COL4A2: variants seen among roughly 807,000 people sequenced by gnomAD.
The protein encoded by COL4A2 is collagen type IV alpha 2 chain, also known as collagen alpha-2(IV) chain.
COL4A2 carries 99 observed loss-of-function variants against 200.2 expected under a neutral mutation model. The observed-to-expected ratio is 0.49, with a 90% confidence interval of 0.42 to 0.58. The LOEUF (loss-of-function observed/expected upper bound fraction) is 0.58. Ranked by LOEUF, COL4A2 falls within the 20% of genes least tolerant of loss-of-function variation. The pLI, the probability that COL4A2 is intolerant of heterozygous loss-of-function variation, is 0.00. For missense variants in COL4A2, 1,950 were observed against 2,314.1 expected (o/e 0.84, Z 3.23); for synonymous variants, 897 against 900.6 (o/e 1.00, Z 0.07).
At chr13:110,467,733 C>G (rs9521791) in intron 27 of COL4A2, among the ~76,000 whole-genome samples, 693 of 152,272 alleles carry the variant, frequency 4.6e-3, no homozygotes, top group Non-Finnish European at 6.5e-3. Context: ...CCAGGGTCTC[C>G]GTGGGCCTGT....
intron 4 of COL4A2, among the ~76,000 whole-genome samples, chr13:110,384,244 A>G (rs1878598851): frequency 6.6e-6 from 1 of 152,242 alleles, no homozygotes; most frequent in African/African-American, 2.4e-5. Flanking sequence ...AGTACATGGA[A>G]GACCTGGAAG....
intron 6 of COL4A2, among the ~76,000 whole-genome samples, chr13:110,427,372 A>G (rs1309121526): frequency 6.6e-6 from 1 of 151,696 alleles, no homozygotes; most frequent in East Asian, 1.9e-4. Flanking sequence ...CTGGTCTCGA[A>G]CTCCTGGCCT....
chr13:110,332,920 A>T (rs549517151), intron 3 of COL4A2, among the ~76,000 whole-genome samples: 1 of 152,202 alleles, frequency 6.6e-6, no homozygotes, highest in Non-Finnish European at 1.5e-5. Context: ...CAGAAGCCCA[A>T]ATTCCCATGG....
intron 45 of COL4A2, 91 bp from the exon 46 acceptor site, chr13:110,506,324 A>T: frequency 8.1e-7 from 1 of 1,233,598 alleles, no homozygotes; most frequent in Non-Finnish European, 1.1e-6. Context: ...TCTCTCTCTC[A>T]GGCTGTAGGT....
intron 3 of COL4A2, among the ~76,000 whole-genome samples, chr13:110,320,290 C>T (rs937944723): frequency 1.3e-5 from 2 of 152,212 alleles, no homozygotes; most frequent in Non-Finnish European, 2.9e-5. Flanking sequence ...CCCCCTACGG[C>T]GACCCCCTGC....
At chr13:110,443,282 G>A (rs1179601051) in intron 16 of COL4A2, among the ~76,000 whole-genome samples, 1 of 152,186 alleles carries the variant, frequency 6.6e-6, no homozygotes, top group Non-Finnish European at 1.5e-5. Context: ...GCAATGAAAA[G>A]GGTACAACAG....
intron 24 of COL4A2, 111 bp downstream of exon 24, chr13:110,462,495 T>C (rs1213856731): frequency 3.2e-6 from 3 of 944,958 alleles, no homozygotes; most frequent in Admixed American, 2.3e-5. Context: ...AACCTGTGCA[T>C]AGGACAGGCT....
intron 3 of COL4A2, among the ~76,000 whole-genome samples, chr13:110,331,927 C>T (rs1254577076): frequency 6.6e-6 from 1 of 152,150 alleles, no homozygotes; most frequent in Admixed American, 6.6e-5. Flanking sequence ...GTTGCAAAGA[C>T]CTTTTTTCAC....
At chr13:110,366,244 T>G (rs1877746555) in intron 4 of COL4A2, among the ~76,000 whole-genome samples, 2 of 152,238 alleles carry the variant, frequency 1.3e-5, no homozygotes, top group Admixed American at 1.3e-4. Context: ...AGACATGAGA[T>G]GCTTTCTAAA....
rs142559385 is a variant in COL4A2, at chr13:110,312,437, A to C, written c.99+4314A>C. Among the ~76,000 whole-genome samples the C allele has an allele frequency of 1.1e-3, 175 of 152,358 alleles. No individual in the cohort carries two copies. The Middle Eastern group carries it at 0.014, about 12-fold the overall frequency. ...TAATAAAAATCAAAGAACTGTGTTTAATTGTGTTTCTGGGGAGAGGGAAAG... is the reference window on the plus strand; with the variant it reads ...TAATAAAAATCAAAGAACTGTGTTTCATTGTGTTTCTGGGGAGAGGGAAAG... On this transcript the variant is annotated intron_variant, in intron 3 of 47. Coordinates refer to ENST00000360467, the MANE Select transcript of COL4A2 (RefSeq NM_001846.4).
chr13:110,312,827 G>A lies in COL4A2; in HGVS notation c.99+4704G>A, dbSNP rs530867022. On this transcript the variant is annotated intron_variant, in intron 3 of 47. Transcript: ENST00000360467. Reference sequence around the variant, plus strand: ...AGTCTAATCCAGCCTGTTGCTAACCGGGTTCTGACTTCAGGGCAAGACACT... The same window carrying A: ...AGTCTAATCCAGCCTGTTGCTAACCAGGTTCTGACTTCAGGGCAAGACACT... Among the ~76,000 whole-genome samples the A allele has an allele frequency of 2.0e-5, 3 of 152,320 alleles. No homozygotes were observed. The East Asian group carries it at 5.8e-4, about 29-fold the overall frequency.
At chr13:110,430,067 A>G (rs1019575424) in intron 8 of COL4A2, 111 bp downstream of exon 8, 2 of 1,091,562 alleles carry the variant, frequency 1.8e-6, no homozygotes, top group East Asian at 2.6e-5. Flanking sequence ...TACTGAAGGC[A>G]TGCCTAGAAT....
intron 4 of COL4A2, among the ~76,000 whole-genome samples, chr13:110,379,360 C>G (rs1441140948): frequency 6.6e-6 from 1 of 152,206 alleles, no homozygotes; most frequent in African/African-American, 2.4e-5. Flanking sequence ...CAGGTGCACC[C>G]GAGGGAAAGC....
Position 110,485,675 on chromosome 13 carries a change from A to T in COL4A2, c.3046A>T (p.Ile1016Phe), listed in dbSNP as rs567061637. Residue 1016 changes from isoleucine (I) to phenylalanine (F), a missense_variant, in exon 34 of 48, where the codon ATC becomes TTC. Physicochemically the swap from Ile to Phe is conservative, Grantham distance 21 (BLOSUM62 0). This residue lies in a region of COL4A2 where 1,385 missense variants were observed against 1,720.5 expected (regional missense o/e 0.80). Transcript: ENST00000360467. Reference protein sequence around the residue: ...GAKGIQGMPGIPGLSGIPGLP... With the variant: ...GAKGIQGMPGFPGLSGIPGLP... ...TGCAGGTATCCAAGGAATGCCAGGC[A>T]TCCCAGGGCTGTCAGGAATCCCTGG... 1 of 1,602,216 alleles carries T rather than the reference A, an allele frequency of 6.2e-7. No homozygotes were observed. The highest frequency in any genetic ancestry group is 1.1e-5 in the South Asian group (1 of 90,076).
chr13:110,458,124 G>A, intron 21 of COL4A2: 1 of 470,586 alleles, frequency 2.1e-6, no homozygotes, highest in South Asian at 1.5e-5. Flanking sequence ...TGTAGGATGT[G>A]CAGTGCATTC....
intron 6 of COL4A2, among the ~76,000 whole-genome samples, chr13:110,427,420 G>C (rs1486635537): frequency 4.6e-5 from 7 of 152,156 alleles, no homozygotes; most frequent in Non-Finnish European, 8.8e-5. Context: ...AAAGTGCTGG[G>C]ATTACAGGTA....
At chr13:110,369,229 A>AAATAAATT (rs1877895543) in intron 4 of COL4A2, among the ~76,000 whole-genome samples, 1 of 151,968 alleles carries the variant, frequency 6.6e-6, no homozygotes, top group East Asian at 1.9e-4. Context: ...ATAAATAAAT[A>AAATAAATT]AATAAAGCAA....
chr13:110,326,950 G>T (rs1444587291), intron 3 of COL4A2, among the ~76,000 whole-genome samples: 2 of 152,210 alleles, frequency 1.3e-5, no homozygotes, highest in African/African-American at 2.4e-5. Flanking sequence ...GCTTGGCTTC[G>T]TGATAAGCCT....
Position 110,428,155 on chromosome 13 carries a change from G to A in COL4A2, c.361-312G>A, listed in dbSNP as rs113677062. ...AAATCTTTCCTAGAATTTTTGAAAT[G>A]TAATTTTACTTGTCCCTGCTGATAG... On this transcript the variant is annotated intron_variant, in intron 6 of 47. Transcript: ENST00000360467. 6.7e-5 allele frequency among the ~76,000 whole-genome samples: 10 copies of A among 150,338 alleles called. No individual in the cohort carries two copies. The East Asian group carries it at 7.8e-4, about 12-fold the overall frequency.
Sources: gnomAD v4.1 joint callset for allele counts (sites outside exome capture counted in the v4.1 genomes callset) on GRCh38, gnomAD v4.1.1 for gene constraint, gnomAD v4.1.1 regional missense constraint, MANE v1.5 for transcripts, NCBI Gene and HGNC (gene_info 2026-07-23, HGNC 2026-07-21) for gene names.